The following PAX2 variants were observed in gnomAD, a reference collection of about 807,000 sequenced individuals.
The protein encoded by PAX2 is paired box 2.
In PAX2, 9 loss-of-function variants were observed where a neutral mutation model predicts 41.7. The ratio of observed to expected loss-of-function variants is 0.22; its 90% confidence interval spans 0.13 to 0.38. The LOEUF (loss-of-function observed/expected upper bound fraction) is 0.38, where lower values mean the gene tolerates loss of function less well. PAX2 is among the 10% of genes least tolerant of loss of function. The pLI is 1.00. For missense variants in PAX2, 418 were observed against 531.6 expected, an observed-to-expected ratio of 0.79 and a Z score of 2.10; for synonymous variants, 221 against 212.7, an observed-to-expected ratio of 1.04 and a Z score of -0.34.
At chr10:100,775,362 G>A (rs1008276223) in intron 3 of PAX2, among the ~76,000 whole-genome samples, 1 of 152,198 alleles carries the variant, frequency 6.6e-6, no homozygotes, top group African/African-American at 2.4e-5. Flanking sequence ...TGGGAGACAG[G>A]AGGACAATGG....
intron 3 of PAX2, among the ~76,000 whole-genome samples, chr10:100,770,858 G>A (rs1437414227): frequency 1.3e-5 from 2 of 152,214 alleles, no homozygotes; most frequent in African/African-American, 4.8e-5. Context: ...AGGGTTAATA[G>A]ATGGAGAGAA....
chr10:100,827,651 G>A lies in PAX2; in HGVS notation c.*32G>A. 6.2e-7 allele frequency: 1 copy of A among 1,613,724 alleles called. No homozygotes were observed. Among genetic ancestry groups the A allele is most frequent in the Non-Finnish European group, 8.5e-7 (1 of 1,179,870 alleles). On this transcript the variant is annotated 3_prime_UTR_variant, in exon 10 of 10. Transcript: ENST00000355243. The surrounding 1 kb of genome is among the most constrained non-coding windows in gnomAD (Gnocchi z 8.5). ...CGGGGACCACATCAAGCTTCAGGCC[G>A]ACAGCTTCGGCCTCCACATCGTCCC...
chr10:100,779,593 C>T lies in PAX2; in HGVS notation c.496+10C>T. On this transcript the variant is annotated intron_variant, in intron 4 of 9. Coordinates refer to ENST00000355243, the MANE Select transcript of PAX2 (RefSeq NM_000278.5). Reference sequence around the variant, plus strand: ...CCTGGCCACACCATTGGTAAGAGGGCTCAGGGAAGGGGAGGAAACCAGATC... The same window carrying T: ...CCTGGCCACACCATTGGTAAGAGGGTTCAGGGAAGGGGAGGAAACCAGATC... 6 of 1,565,428 alleles carry T rather than the reference C, an allele frequency of 3.8e-6. No individual in the cohort carries two copies. Among genetic ancestry groups the T allele is most frequent in the Non-Finnish European group, 5.2e-6 (6 of 1,151,570 alleles).
At chr10:100,744,451 C>T (rs1845074676), upstream of PAX2, among the ~76,000 whole-genome samples, 1 of 152,246 alleles carries the variant, frequency 6.6e-6, no homozygotes, top group Admixed American at 6.5e-5. Context: ...AGGGCTTCTT[C>T]TGCCTGGTGC....
chr10:100,749,441 C>T, intron 1 of PAX2: 2 of 1,230,114 alleles, frequency 1.6e-6, no homozygotes, highest in Non-Finnish European at 2.0e-6. Flanking sequence ...TCCCCTTTGG[C>T]ATTTTCTCCC....
In PAX2 at chr10:100,749,214, T is replaced by G. The variant is rs959585970; in HGVS notation, c.44-532T>G. The G allele has an allele frequency of 2.4e-5, 24 of 987,118 alleles. No individual in the cohort carries two copies. In the Admixed American group the frequency reaches 3.1e-4, roughly 13 times the overall value. The allele number at this position is 987,118 out of a possible 1,614,324, so 61.1% of individuals were successfully genotyped here. ...AGAAGAGGCAGAGAGCAAAGGGGGGTGTGTGTGTCAGGCACTTATCCCCTG... is the reference window on the plus strand; with the variant it reads ...AGAAGAGGCAGAGAGCAAAGGGGGGGGTGTGTGTCAGGCACTTATCCCCTG... On this transcript the variant is annotated intron_variant, in intron 1 of 9. Transcript: ENST00000355243.
upstream of PAX2, among the ~76,000 whole-genome samples, chr10:100,743,824 A>G (rs569489183): frequency 2.0e-5 from 3 of 152,306 alleles, no homozygotes; most frequent in Admixed American, 1.3e-4. Flanking sequence ...TGCGTCTTCA[A>G]CCTCTAGCCC....
upstream of PAX2, among the ~76,000 whole-genome samples, chr10:100,742,564 A>G (rs761491594): frequency 6.6e-6 from 1 of 152,200 alleles, no homozygotes; most frequent in Non-Finnish European, 1.5e-5. Flanking sequence ...AGATGCACAG[A>G]GGCGGCTAAT....
Position 100,769,056 on chromosome 10 carries a change from T to G in PAX2, c.411-10442T>G, listed in dbSNP as rs193078567. ...GCCTCTCATAGATTCTACCATCGGT[T>G]CTTGATATGACTGACTCATTCTACT... On this transcript the variant is annotated intron_variant, in intron 3 of 9. Transcript: ENST00000355243. Among the ~76,000 whole-genome samples, 229 of 152,368 alleles carry G rather than the reference T, an allele frequency of 1.5e-3. 1 individual carries two copies. Among genetic ancestry groups the G allele is most frequent in the African/African-American group, 5.1e-3 (211 of 41,588 alleles).
At chr10:100,744,928 G>A (rs112195531), upstream of PAX2, among the ~76,000 whole-genome samples, 10 of 152,328 alleles carry the variant, frequency 6.6e-5, no homozygotes, top group African/African-American at 2.4e-4. Flanking sequence ...ACACTTTTCC[G>A]TGGAATGAGA....
intron 3 of PAX2, among the ~76,000 whole-genome samples, chr10:100,760,090 A>G (rs1845782358): frequency 6.6e-6 from 1 of 152,088 alleles, no homozygotes; most frequent in Non-Finnish European, 1.5e-5. Flanking sequence ...TCCCAAGAGA[A>G]GTTGGTGATG....
intron 5 of PAX2, among the ~76,000 whole-genome samples, chr10:100,794,786 A>C (rs1847263227): frequency 6.6e-6 from 1 of 152,188 alleles, no homozygotes. Flanking sequence ...GTTCGTGGTC[A>C]ACTAAAACCT....
rs967042483 is a variant in PAX2 at position 100,750,141 on chromosome 10, C to G, written c.212+227C>G. On this transcript the variant is annotated intron_variant, in intron 2 of 9. Coordinates refer to ENST00000355243, the MANE Select transcript of PAX2 (RefSeq NM_000278.5). This position sits in a 1 kb window ranked among gnomAD's most constrained non-coding sequence, Gnocchi z 4.1. ...CCCAGTGCTTGCCCTGCCCCTGGTC[C>G]CTGGTGAGAAGGCAGCCCGTTTCTG... Among the ~76,000 whole-genome samples, 4 of 152,084 alleles carry G rather than the reference C, an allele frequency of 2.6e-5. No individual in the cohort carries two copies. The highest frequency in any genetic ancestry group is 9.7e-5 in the African/African-American group (4 of 41,394).
intron 6 of PAX2, among the ~76,000 whole-genome samples, chr10:100,807,201 C>T (rs1847820975): frequency 6.6e-6 from 1 of 152,130 alleles, no homozygotes; most frequent in Admixed American, 6.5e-5. Flanking sequence ...CAGCATGTAA[C>T]ACACCAGCAA....
chr10:100,746,534 T>C (rs1031706889), intron 1 of PAX2, among the ~76,000 whole-genome samples: 1 of 152,174 alleles, frequency 6.6e-6, no homozygotes, highest in African/African-American at 2.4e-5. Flanking sequence ...CCTTCCTACC[T>C]TCCCTGATCC....
At chr10:100,777,269 T>C (rs1375373908) in intron 3 of PAX2, among the ~76,000 whole-genome samples, 2 of 151,032 alleles carry the variant, frequency 1.3e-5, no homozygotes, top group African/African-American at 4.9e-5. Flanking sequence ...ACCTGGCTAA[T>C]TTTGTATTTT....
upstream of PAX2, among the ~76,000 whole-genome samples, chr10:100,744,630 C>T (rs1421622759): frequency 3.9e-5 from 6 of 152,204 alleles, no homozygotes; most frequent in East Asian, 1.9e-4. Context: ...TCTCCCCAGC[C>T]GGGGAGAGCC....
At chr10:100,737,423 C>A (rs1844810786) in intron 1 of PAX2, among the ~76,000 whole-genome samples, 1 of 152,274 alleles carries the variant, frequency 6.6e-6, no homozygotes, top group Non-Finnish European at 1.5e-5. Context: ...GCTTACCCGG[C>A]GCGCGTGGCA....
upstream of PAX2, among the ~76,000 whole-genome samples, chr10:100,744,598 A>G (rs1589803682): frequency 6.6e-6 from 1 of 152,166 alleles, no homozygotes; most frequent in East Asian, 1.9e-4. Context: ...GGCGGCGCTC[A>G]GCCGCGTCCG....
Sources: gnomAD v4.1 joint callset for allele counts (sites outside exome capture counted in the v4.1 genomes callset) on GRCh38, gnomAD v4.1.1 for gene constraint, Gnocchi (gnomAD v3.1) non-coding constraint, MANE v1.5 for transcripts, NCBI Gene and HGNC (gene_info 2026-07-23, HGNC 2026-07-21) for gene names.